The following CTNNA2 variants were observed in gnomAD, a reference collection of about 807,000 sequenced individuals.
CTNNA2 encodes the protein catenin alpha 2.
In CTNNA2, 42 loss-of-function variants were observed where a neutral mutation model predicts 101.0. That is an observed-to-expected ratio of 0.42 (90% CI 0.32 to 0.54). The LOEUF is 0.54. CTNNA2 is among the 20% of genes least tolerant of loss of function. CTNNA2 has a pLI of 0.14. For synonymous variants in CTNNA2, 450 were observed against 456.4 expected, an observed-to-expected ratio of 0.99 and a Z score of 0.18; for missense variants, 871 against 1,223.1, an observed-to-expected ratio of 0.71 and a Z score of 4.29.
intron 7 of CTNNA2, among the ~76,000 whole-genome samples, chr2:80,216,879 C>T (rs1708298189): frequency 6.6e-6 from 1 of 151,264 alleles, no homozygotes; most frequent in African/African-American, 2.4e-5. Flanking sequence ...GCTCTGTCAC[C>T]CAGGCTGTAG....
chr2:79,774,150 A>G (rs1006498814), intron 3 of CTNNA2, among the ~76,000 whole-genome samples: 3 of 152,184 alleles, frequency 2.0e-5, no homozygotes, highest in African/African-American at 7.2e-5. Context: ...CCCGGGCCTC[A>G]AGAGACTTTT....
intron 1 of CTNNA2, among the ~76,000 whole-genome samples, chr2:79,594,956 A>G (rs970112790): frequency 9.2e-5 from 14 of 151,816 alleles, no homozygotes; most frequent in Admixed American, 2.0e-4. Context: ...TCTCTTATAT[A>G]GATTTTTTTT....
intron 3 of CTNNA2, among the ~76,000 whole-genome samples, chr2:79,754,689 T>A (rs563473444): frequency 4.7e-4 from 71 of 152,114 alleles, no homozygotes; most frequent in African/African-American, 5.1e-4. Flanking sequence ...ATACCCTGAA[T>A]ACTTGAGTCT....
At chr2:79,899,939 A>G (rs576167361) in intron 6 of CTNNA2, among the ~76,000 whole-genome samples, 2 of 152,332 alleles carry the variant, frequency 1.3e-5, no homozygotes, top group African/African-American at 4.8e-5. Context: ...AAAGCTTGGC[A>G]CAGAATGAAA....
chr2:79,886,395 A>C (rs1178232873), intron 6 of CTNNA2, among the ~76,000 whole-genome samples: 2 of 152,064 alleles, frequency 1.3e-5, no homozygotes, highest in African/African-American at 2.4e-5. Flanking sequence ...CTGAAGAGCT[A>C]TTCAGCCTTG....
intron 7 of CTNNA2, among the ~76,000 whole-genome samples, chr2:80,205,581 A>G (rs904830383): frequency 2.6e-5 from 4 of 152,356 alleles, no homozygotes; most frequent in South Asian, 2.1e-4. Context: ...TAGCAGGAAT[A>G]TATTTCAATC....
chr2:79,986,579 T>A (rs1231975291), intron 7 of CTNNA2, among the ~76,000 whole-genome samples: 1 of 152,196 alleles, frequency 6.6e-6, no homozygotes, highest in Non-Finnish European at 1.5e-5. Context: ...CAGGAAGTTT[T>A]ATGCAGGTGG....
At chr2:79,418,007 G>C (rs1016360563) in intron 4 of CTNNA2, among the ~76,000 whole-genome samples, 1 of 152,046 alleles carries the variant, frequency 6.6e-6, no homozygotes, top group Non-Finnish European at 1.5e-5. Context: ...GTTTTTCAAA[G>C]GTAGCTTGAG....
At chr2:80,582,735 T>G (rs1434228936) in intron 14 of CTNNA2, among the ~76,000 whole-genome samples, 1 of 152,154 alleles carries the variant, frequency 6.6e-6, no homozygotes, top group Non-Finnish European at 1.5e-5. Flanking sequence ...TTTTCTTTGT[T>G]AAGTTTTATT....
chr2:79,957,333 C>A (rs1244672822), intron 7 of CTNNA2, among the ~76,000 whole-genome samples: 1 of 152,196 alleles, frequency 6.6e-6, no homozygotes, highest in Non-Finnish European at 1.5e-5. Flanking sequence ...CTACAGAAAG[C>A]ATCTTCCATG....
At chr2:79,691,126 A>G (rs1401768973) in intron 2 of CTNNA2, among the ~76,000 whole-genome samples, 1 of 152,010 alleles carries the variant, frequency 6.6e-6, no homozygotes, top group Non-Finnish European at 1.5e-5. Context: ...GTAAAACTAT[A>G]ATAACTACTT....
At chr2:80,473,851 T>C (rs1685508472) in intron 9 of CTNNA2, among the ~76,000 whole-genome samples, 1 of 152,206 alleles carries the variant, frequency 6.6e-6, no homozygotes, top group Non-Finnish European at 1.5e-5. Context: ...TGTGTGTTTG[T>C]TTTTTGTCTT....
chr2:79,238,713 T>G (rs899299144), intron 2 of CTNNA2, among the ~76,000 whole-genome samples: 1 of 152,202 alleles, frequency 6.6e-6, no homozygotes, highest in African/African-American at 2.4e-5. Flanking sequence ...ATGTAATGAT[T>G]TGACTTACCA....
chr2:79,302,346 C>T (rs6760650), intron 2 of CTNNA2, among the ~76,000 whole-genome samples: 41,648 of 151,754 alleles, frequency 0.27, 6,457 homozygotes, highest in African/African-American at 0.42. Context: ...GGCCATTTGC[C>T]TTTCTCAGTG....
intron 7 of CTNNA2, among the ~76,000 whole-genome samples, chr2:80,231,974 G>T (rs781777101): frequency 2.0e-5 from 3 of 151,958 alleles, no homozygotes; most frequent in Non-Finnish European, 4.4e-5. Flanking sequence ...TAAGACCCTT[G>T]GTCTCCACAA....
At chr2:79,711,136 A>G (rs956676446) in intron 2 of CTNNA2, among the ~76,000 whole-genome samples, 1 of 152,192 alleles carries the variant, frequency 6.6e-6, no homozygotes, top group African/African-American at 2.4e-5. Context: ...AAGTGGAATG[A>G]TATCTCCAGC....
chr2:80,285,380 G>C (rs189906189), intron 7 of CTNNA2, among the ~76,000 whole-genome samples: 2 of 152,280 alleles, frequency 1.3e-5, no homozygotes, highest in African/African-American at 4.8e-5. Context: ...ATTCTCACTG[G>C]ATTATTTTAA....
At chr2:79,795,607 A>G (rs1034954768) in intron 3 of CTNNA2, among the ~76,000 whole-genome samples, 1 of 152,168 alleles carries the variant, frequency 6.6e-6, no homozygotes, top group Admixed American at 6.5e-5. Context: ...CTAATTGCCA[A>G]AATAAAGGAC....
intron 2 of CTNNA2, among the ~76,000 whole-genome samples, chr2:79,741,588 A>G (rs1409317453): frequency 2.6e-5 from 4 of 152,094 alleles, no homozygotes; most frequent in East Asian, 3.9e-4. Flanking sequence ...ATGGTATGTT[A>G]TGGTTATTTC....
Sources: gnomAD v4.1 joint callset for allele counts (sites outside exome capture counted in the v4.1 genomes callset) on GRCh38, gnomAD v4.1.1 for gene constraint, MANE v1.5 for transcripts, NCBI Gene and HGNC (gene_info 2026-07-23, HGNC 2026-07-21) for gene names.